The following UBE2K variants were observed in gnomAD, a reference collection of about 807,000 sequenced individuals.
The protein encoded by UBE2K is ubiquitin conjugating enzyme E2 K, also known as ubiquitin-conjugating enzyme E2 K.
Under a neutral mutation model 30.0 loss-of-function variants are expected in UBE2K, and 6 were observed. That is an observed-to-expected ratio of 0.20 (90% confidence interval 0.11 to 0.39). UBE2K has a LOEUF of 0.39. Among genes scored for constraint, UBE2K ranks in the 10% least tolerant of loss-of-function variants. UBE2K has a pLI of 1.00. For synonymous variants in UBE2K, 86 were observed against 83.7 expected (o/e 1.03, Z -0.15); for missense variants, 61 against 241.6 (o/e 0.25, Z 4.96).
chr4:39,769,720 C>T (rs1421308405), intron 4 of UBE2K, among the ~76,000 whole-genome samples: 8 of 136,810 alleles, frequency 5.8e-5, no homozygotes, highest in African/African-American at 2.1e-4. Flanking sequence ...TCAGAACCTT[C>T]CCCTGGGCAG....
chr4:39,734,485 A>G (rs1265831416), intron 1 of UBE2K, among the ~76,000 whole-genome samples: 2 of 152,142 alleles, frequency 1.3e-5, no homozygotes, highest in South Asian at 2.1e-4. Flanking sequence ...AGTGAAAAAA[A>G]GAGCAATTTT....
At chr4:39,770,095 C>T (rs1384401527) in intron 4 of UBE2K, 2 of 1,564,818 alleles carry the variant, frequency 1.3e-6, no homozygotes, top group Non-Finnish European at 1.7e-6. Flanking sequence ...CGGATGAGGA[C>T]ATTAATCTCG....
intron 1 of UBE2K, among the ~76,000 whole-genome samples, chr4:39,716,491 C>T (rs1719068916): frequency 6.6e-6 from 1 of 152,194 alleles, no homozygotes; most frequent in South Asian, 2.1e-4. Context: ...TCAAGTGATC[C>T]ATGCGCCTTA....
intron 1 of UBE2K, among the ~76,000 whole-genome samples, chr4:39,702,079 A>G (rs190275212): frequency 1.2e-4 from 18 of 152,176 alleles, no homozygotes; most frequent in Admixed American, 7.9e-4. Context: ...TTGAATTTCA[A>G]TATACCAAAT....
intron 4 of UBE2K, chr4:39,770,679 G>A (rs1477741473): frequency 3.2e-6 from 5 of 1,578,572 alleles, no homozygotes; most frequent in Non-Finnish European, 3.4e-6. Flanking sequence ...TGGGGCCACA[G>A]TGCTGGGGGG....
Position 39,769,492 on chromosome 4 carries a change from TCTTA to T in UBE2K, c.300-5338_300-5335del, listed in dbSNP as rs532523282. On this transcript the variant is annotated intron_variant, in intron 4 of 6. Coordinates refer to ENST00000261427, the MANE Select transcript of UBE2K (RefSeq NM_005339.5). ...GCACCCCATGTTCTCTTACCTGGCG[TCTTA>T]CTTTTTTCTCCCTCAAATTTCAGCA... Among the ~76,000 whole-genome samples the T allele has an allele frequency of 1.0e-3, 154 of 149,260 alleles. 1 individual carries two copies. Among genetic ancestry groups the T allele is most frequent in the African/African-American group, 3.6e-3 (147 of 40,528 alleles).
At chr4:39,708,154 C>T (rs1399627630) in intron 1 of UBE2K, among the ~76,000 whole-genome samples, 1 of 152,050 alleles carries the variant, frequency 6.6e-6, no homozygotes, top group Admixed American at 6.6e-5. Context: ...CCAGCCTTGG[C>T]CTCCCGAAGT....
intron 4 of UBE2K, among the ~76,000 whole-genome samples, chr4:39,768,632 T>C (rs1712515721): frequency 6.6e-6 from 1 of 152,128 alleles, no homozygotes. Context: ...TCTTCCTGCC[T>C]CAGCCTCTCA....
intron 4 of UBE2K, chr4:39,771,244 T>C (rs1425545018): frequency 1.9e-6 from 3 of 1,611,832 alleles, no homozygotes; most frequent in Non-Finnish European, 2.5e-6. Flanking sequence ...CGAGCTGGGG[T>C]TAAGCAGGAA....
chr4:39,744,277 A>G (rs914729861), intron 2 of UBE2K, among the ~76,000 whole-genome samples: 6 of 152,060 alleles, frequency 3.9e-5, no homozygotes, highest in Non-Finnish European at 5.9e-5. Flanking sequence ...GGTTCACGCC[A>G]TTCTTCTGCC....
chr4:39,767,235 T>C (rs1314615515), intron 4 of UBE2K, among the ~76,000 whole-genome samples: 2 of 152,128 alleles, frequency 1.3e-5, no homozygotes, highest in East Asian at 3.8e-4. Context: ...TTAATTTTTA[T>C]ATATGGTATA....
chr4:39,765,908 T>TATACATACATACATACATAC lies in UBE2K; in HGVS notation c.300-8912_300-8893dup, dbSNP rs146565301. On this transcript the variant is annotated intron_variant, in intron 4 of 6. Transcript: ENST00000261427. Reference sequence around the variant, plus strand: ...GGATCACCTGAAGTCAGGATATATATATACATACATACATACATACATACA... The same window carrying TATACATACATACATACATAC: ...GGATCACCTGAAGTCAGGATATATATATACATACATACATACATACATACATACATACATACATACATACA... Among the ~76,000 whole-genome samples, 91 of 149,750 alleles carry TATACATACATACATACATAC rather than the reference T, an allele frequency of 6.1e-4. 1 individual carries two copies. Among genetic ancestry groups the TATACATACATACATACATAC allele is most frequent in the African/African-American group, 1.9e-3 (76 of 40,650 alleles).
intron 3 of UBE2K, among the ~76,000 whole-genome samples, chr4:39,748,559 C>T (rs1187964367): frequency 6.6e-6 from 1 of 151,004 alleles, no homozygotes; most frequent in Non-Finnish European, 1.5e-5. Context: ...GCAGGAGAAG[C>T]GTTTGAGCTC....
rs1721535113 is a variant in UBE2K at position 39,756,778 on chromosome 4, C to A, written c.299+1039C>A. Among the ~76,000 whole-genome samples, 5 of 152,062 alleles carry A rather than the reference C, an allele frequency of 3.3e-5. No homozygotes were observed. In the South Asian group the frequency reaches 1.0e-3, roughly 31 times the overall value. On this transcript the variant is annotated intron_variant, in intron 4 of 6. Coordinates refer to ENST00000261427, the MANE Select transcript of UBE2K (RefSeq NM_005339.5). Reference sequence around the variant, plus strand: ...GAAAAGTAATTGGAGTGGGAGAAAACCATAAAACTAGAAAAAATCAATTAA... The same window carrying A: ...GAAAAGTAATTGGAGTGGGAGAAAAACATAAAACTAGAAAAAATCAATTAA...
At chr4:39,718,489 C>A (rs1328911233) in intron 1 of UBE2K, among the ~76,000 whole-genome samples, 1 of 152,240 alleles carries the variant, frequency 6.6e-6, no homozygotes, top group East Asian at 1.9e-4. Context: ...GTGGAGCTGC[C>A]CGCCAGTCCT....
chr4:39,712,169 G>A (rs1718731429), intron 1 of UBE2K, among the ~76,000 whole-genome samples: 1 of 147,528 alleles, frequency 6.8e-6, no homozygotes, highest in Non-Finnish European at 1.5e-5. Context: ...CTGTTGCCCA[G>A]GCTGGAGTGC....
At chr4:39,765,250 G>A (rs1578495698) in intron 4 of UBE2K, among the ~76,000 whole-genome samples, 2 of 152,256 alleles carry the variant, frequency 1.3e-5, no homozygotes, top group East Asian at 3.9e-4. Flanking sequence ...GCCAGGCATC[G>A]TGGCTCATGC....
rs1037689288 is a variant in UBE2K at position 39,725,398 on chromosome 4, A to C, written c.64-12022A>C. Among the ~76,000 whole-genome samples the C allele has an allele frequency of 1.4e-4, 21 of 150,840 alleles. No individual in the cohort carries two copies. In the East Asian group the frequency reaches 2.9e-3, roughly 21 times the overall value. On this transcript the variant is annotated intron_variant, in intron 1 of 6. Coordinates refer to ENST00000261427, the MANE Select transcript of UBE2K (RefSeq NM_005339.5). The stretch of plus-strand genomic sequence containing the variant: ...GTCTCAAAAAAAAAAAAAAAAAAAA[A>C]AAAAAAAACACCTCTTGATAGTAAG...
At chr4:39,704,237 C>T (rs1250329496) in intron 1 of UBE2K, among the ~76,000 whole-genome samples, 1 of 151,898 alleles carries the variant, frequency 6.6e-6, no homozygotes, top group Non-Finnish European at 1.5e-5. Flanking sequence ...GCCTGGGTGA[C>T]AGAGCAACAC....
Sources: allele counts gnomAD v4.1 joint callset (sites outside exome capture counted in the v4.1 genomes callset), GRCh38; gene constraint gnomAD v4.1.1; transcripts MANE v1.5; gene names NCBI Gene and HGNC (gene_info 2026-07-23, HGNC 2026-07-21).